Variants in FER1L6 observed in about 807,000 individuals in gnomAD.
FER1L6 encodes the protein fer-1-like protein 6.
Under a neutral mutation model 219.2 loss-of-function variants are expected in FER1L6, and 177 were observed. That is an observed-to-expected ratio of 0.81 (90% CI 0.71 to 0.91). FER1L6 has a LOEUF of 0.91. Ranked by LOEUF, FER1L6 falls within the 40% of genes least tolerant of loss-of-function variation. The probability of loss-of-function intolerance (pLI) is 0.00; values close to 1 mark genes in which losing one functional copy is unlikely to be tolerated. For synonymous variants in FER1L6, 768 were observed against 824.3 expected (o/e 0.93, Z 1.17); for missense variants, 2,153 against 2,259.9 (o/e 0.95, Z 0.96).
intron 24 of FER1L6, among the ~76,000 whole-genome samples, chr8:124,061,498 A>G (rs1410242518): frequency 6.6e-6 from 1 of 152,058 alleles, no homozygotes; most frequent in African/African-American, 2.4e-5. Flanking sequence ...AAATGGCTCG[A>G]CTTTCATCTC....
At chr8:124,115,397 C>T (rs1415522476) in intron 39 of FER1L6, among the ~76,000 whole-genome samples, 2 of 152,086 alleles carry the variant, frequency 1.3e-5, no homozygotes, top group Non-Finnish European at 2.9e-5. Context: ...TCCCCTGCAG[C>T]CTTCCCAATG....
chr8:124,095,074 T>A (rs371581372), intron 35 of FER1L6, 36 bp downstream of exon 35: 12 of 1,612,690 alleles, frequency 7.4e-6, no homozygotes, highest in Non-Finnish European at 1.0e-5. Context: ...TAAAAGTTAA[T>A]CTTGTGTACT....
intron 35 of FER1L6, among the ~76,000 whole-genome samples, chr8:124,095,393 T>G (rs931888203): frequency 3.3e-5 from 5 of 152,206 alleles, no homozygotes; most frequent in African/African-American, 1.2e-4. Flanking sequence ...TATTGGACAT[T>G]TGAAAAACTT....
chr8:124,118,802 G>GTC (rs780276839), intron 39 of FER1L6, 42 bp from the exon 40 acceptor site: 10 of 1,576,986 alleles, frequency 6.3e-6, no homozygotes, highest in Middle Eastern at 1.7e-4. Context: ...GGCTCAGTGG[G>GTC]TCTTTGTGAC....
rs1423021730 is a variant in FER1L6 at position 123,853,717 on chromosome 8, G to C, written c.-8+1532G>C. 6.6e-6 allele frequency among the ~76,000 whole-genome samples: 1 copy of C among 152,208 alleles called. No homozygotes were observed. Among genetic ancestry groups the C allele is most frequent in the Non-Finnish European group, 1.5e-5 (1 of 68,038 alleles). ...ATGCAGGTGACATGCTCATGGCTAT[G>C]ATGAAGACCTGGAGGAGGAAAAGGC... On this transcript the variant is annotated intron_variant, in intron 1 of 40. Coordinates refer to ENST00000522917, the MANE Select transcript of FER1L6 (RefSeq NM_001039112.2). The surrounding 1 kb of genome is among the most constrained non-coding windows in gnomAD (Gnocchi z 6.6).
At chr8:124,114,685 C>T (rs543628171) in intron 39 of FER1L6, among the ~76,000 whole-genome samples, 1 of 151,556 alleles carries the variant, frequency 6.6e-6, no homozygotes, top group South Asian at 2.1e-4. Context: ...CTTAGCTATC[C>T]AGAAATGGAA....
chr8:123,976,174 T>G, intron 9 of FER1L6, 90 bp downstream of exon 9: 2 of 1,121,788 alleles, frequency 1.8e-6, no homozygotes, highest in Non-Finnish European at 1.2e-6. Flanking sequence ...TTAATAAAAA[T>G]TAGGAAGTGC....
At chr8:123,990,112 C>CA (rs1563728582) in intron 12 of FER1L6, among the ~76,000 whole-genome samples, 1 of 151,976 alleles carries the variant, frequency 6.6e-6, no homozygotes, top group Non-Finnish European at 1.5e-5. Context: ...ACTAAAAATA[C>CA]AAAAAATTAG....
chr8:123,931,845 G>A (rs1813780868), intron 1 of FER1L6, among the ~76,000 whole-genome samples: 1 of 152,178 alleles, frequency 6.6e-6, no homozygotes, highest in African/African-American at 2.4e-5. Context: ...ATCCTGCTGG[G>A]GGTATAAGCC....
At chr8:124,110,620 T>A (rs1427005003) in intron 39 of FER1L6, among the ~76,000 whole-genome samples, 1 of 152,178 alleles carries the variant, frequency 6.6e-6, no homozygotes, top group Non-Finnish European at 1.5e-5. Flanking sequence ...CGTTAAGAGA[T>A]TGCAAAGACA....
intron 1 of FER1L6, among the ~76,000 whole-genome samples, chr8:123,872,362 G>A (rs528537751): frequency 2.6e-4 from 39 of 152,248 alleles, no homozygotes; most frequent in African/African-American, 8.2e-4. Flanking sequence ...CACAATTGAG[G>A]GAACTTCTAC....
intron 33 of FER1L6, among the ~76,000 whole-genome samples, chr8:124,084,026 T>C (rs1821688046): frequency 6.6e-6 from 1 of 152,168 alleles, no homozygotes; most frequent in Non-Finnish European, 1.5e-5. Flanking sequence ...TTGTAGCTAT[T>C]GTAAATGGGA....
At chr8:123,923,905 G>A (rs1026994400) in intron 1 of FER1L6, among the ~76,000 whole-genome samples, 19 of 135,670 alleles carry the variant, frequency 1.4e-4, no homozygotes, top group African/African-American at 5.3e-4. Context: ...ACGCCCCCGC[G>A]CTCCAGCCTG....
At chr8:123,909,377 G>A (rs1368957802) in intron 1 of FER1L6, among the ~76,000 whole-genome samples, 15 of 152,258 alleles carry the variant, frequency 9.9e-5, no homozygotes, top group East Asian at 7.7e-4. Flanking sequence ...CAGTGAGGGC[G>A]TGGGATCATG....
intron 1 of FER1L6, among the ~76,000 whole-genome samples, chr8:123,857,340 T>C (rs1415588126): frequency 1.3e-5 from 2 of 152,048 alleles, no homozygotes; most frequent in Non-Finnish European, 2.9e-5. Context: ...ACTCCATATC[T>C]ACAAAAAAAT....
intron 22 of FER1L6, among the ~76,000 whole-genome samples, chr8:124,053,928 C>A (rs1820161044): frequency 6.6e-6 from 1 of 152,148 alleles, no homozygotes; most frequent in Non-Finnish European, 1.5e-5. Flanking sequence ...ATTTTTACTT[C>A]CCTCCTCTAT....
chr8:124,101,436 A>C, intron 38 of FER1L6, 98 bp downstream of exon 38: 3 of 1,141,852 alleles, frequency 2.6e-6, no homozygotes, highest in Non-Finnish European at 3.7e-6. Flanking sequence ...TAATAATTTC[A>C]GCACTATCTA....
chr8:123,956,115 G>A (rs367937441), intron 2 of FER1L6, 41 bp downstream of exon 2: 1 of 1,543,238 alleles, frequency 6.5e-7, no homozygotes, highest in African/African-American at 1.4e-5. Flanking sequence ...GGGCCTGAGA[G>A]TCTCGCAGAG....
intron 32 of FER1L6, among the ~76,000 whole-genome samples, chr8:124,079,370 C>G (rs911434734): frequency 6.6e-6 from 1 of 152,170 alleles, no homozygotes; most frequent in African/African-American, 2.4e-5. Context: ...TGTTTTTGCT[C>G]TTAAGCTTTT....
Sources: gnomAD v4.1 joint callset for allele counts (sites outside exome capture counted in the v4.1 genomes callset) on GRCh38, gnomAD v4.1.1 for gene constraint, Gnocchi (gnomAD v3.1) non-coding constraint, MANE v1.5 for transcripts, NCBI Gene and HGNC (gene_info 2026-07-23, HGNC 2026-07-21) for gene names.